The following KAZN variants were observed in gnomAD, a reference collection of about 807,000 sequenced individuals.
KAZN encodes kazrin.
In KAZN, 40 loss-of-function variants were observed where a neutral mutation model predicts 87.4. The ratio of observed to expected loss-of-function variants is 0.46; its 90% CI spans 0.36 to 0.60. KAZN has a LOEUF of 0.60. Among genes scored for constraint, KAZN ranks in the 20% least tolerant of loss-of-function variants. The pLI is 0.00. For synonymous variants in KAZN, 466 were observed against 458.3 expected (o/e 1.02, Z -0.22); for missense variants, 898 against 1,073.9 (o/e 0.84, Z 2.29).
At position 14,581,077 on chromosome 1, in the gene KAZN, G is replaced by A. The variant is rs1557814113; in HGVS notation, c.250-17906G>A. Among the ~76,000 whole-genome samples the A allele has an allele frequency of 2.0e-5, 3 of 152,020 alleles. No individual in the cohort carries two copies. In the East Asian group the frequency reaches 5.8e-4, roughly 29 times the overall value. Reference sequence around the variant, plus strand: ...GATTTCATCCACTCTTGGGCCTCTGGATAACATCTACATGCTGACACCTTC... The same window carrying A: ...GATTTCATCCACTCTTGGGCCTCTGAATAACATCTACATGCTGACACCTTC... On this transcript the variant is annotated intron_variant, in intron 2 of 16. Coordinates refer to the KAZN transcript ENST00000636203.
Position 14,045,415 on chromosome 1 carries a change from G to C in KAZN, c.92-135020G>C, listed in dbSNP as rs149492923. Among the ~76,000 whole-genome samples, 528 of 152,296 alleles carry C rather than the reference G, an allele frequency of 3.5e-3. 4 individuals carry two copies. Among genetic ancestry groups the C allele is most frequent in the African/African-American group, 0.012 (500 of 41,558 alleles). On this transcript the variant is annotated intron_variant, in intron 1 of 16. Coordinates refer to the KAZN transcript ENST00000636203. ...CTCAATTGACTTTGCTCAAATCCAA[G>C]CTCTGTCATTTGCTAATGGAGAAAG...
At chr1:14,513,701 T>C (rs747993710) in intron 2 of KAZN, among the ~76,000 whole-genome samples, 7 of 152,266 alleles carry the variant, frequency 4.6e-5, no homozygotes, top group African/African-American at 1.7e-4. Context: ...CATTTTAAAA[T>C]TGGGACCTTA....
chr1:14,718,111 C>A (rs994858263), intron 1 of KAZN, among the ~76,000 whole-genome samples: 3 of 152,178 alleles, frequency 2.0e-5, no homozygotes, highest in Non-Finnish European at 4.4e-5. Flanking sequence ...AAGCAAATTA[C>A]CCCCAGGGAG....
chr1:14,386,637 TG>T (rs1485366007), intron 2 of KAZN, among the ~76,000 whole-genome samples: 1 of 152,154 alleles, frequency 6.6e-6, no homozygotes, highest in Non-Finnish European at 1.5e-5. Flanking sequence ...TGTTGAATAT[TG>T]GCCCCCACTC....
intron 2 of KAZN, among the ~76,000 whole-genome samples, chr1:15,000,357 G>C (rs1029512273): frequency 6.6e-6 from 1 of 151,874 alleles, no homozygotes; most frequent in Admixed American, 6.5e-5. Flanking sequence ...TTGGACTTCT[G>C]ATCCTTAAAA....
chr1:14,507,463 G>T (rs1246464575), intron 2 of KAZN, among the ~76,000 whole-genome samples: 1 of 152,162 alleles, frequency 6.6e-6, no homozygotes, highest in Non-Finnish European at 1.5e-5. Flanking sequence ...AAGTTGCCAA[G>T]CGATGGCTAG....
At chr1:15,047,276 C>T (rs1010314240) in intron 4 of KAZN, among the ~76,000 whole-genome samples, 22 of 152,216 alleles carry the variant, frequency 1.4e-4, no homozygotes, top group Admixed American at 1.3e-3. Context: ...AAAGTTTCAC[C>T]GCCAGGCTGT....
chr1:14,783,158 TGA>T (rs1645407224), intron 1 of KAZN, among the ~76,000 whole-genome samples: 1 of 152,204 alleles, frequency 6.6e-6, no homozygotes, highest in Admixed American at 6.5e-5. Context: ...GTGATGAGGC[TGA>T]TATTTGGAGT....
chr1:14,923,881 G>A lies in KAZN; in HGVS notation c.227-36803G>A, dbSNP rs572451551. 6.6e-6 allele frequency among the ~76,000 whole-genome samples: 1 copy of A among 152,316 alleles called. No individual in the cohort carries two copies. The highest frequency in any genetic ancestry group is 2.4e-5 in the African/African-American group (1 of 41,582). ...GAGGCCAGGGGCTTTCAAAGACCGG[G>A]GCTCGAGTTCCGTCACAGCCACCCC... On this transcript the variant is annotated intron_variant, in intron 1 of 14. Coordinates refer to ENST00000376030, the MANE Select transcript of KAZN (RefSeq NM_201628.3). This position sits in a 1 kb window ranked among gnomAD's most constrained non-coding sequence, Gnocchi z 4.2.
intron 2 of KAZN, among the ~76,000 whole-genome samples, chr1:14,225,001 G>A (rs1467145329): frequency 6.6e-6 from 1 of 152,134 alleles, no homozygotes; most frequent in African/African-American, 2.4e-5. Flanking sequence ...AGACAAGGAT[G>A]CTCACTCTCA....
intron 2 of KAZN, among the ~76,000 whole-genome samples, chr1:14,464,030 G>C (rs1010386107): frequency 1.1e-4 from 17 of 152,196 alleles, no homozygotes; most frequent in Admixed American, 4.6e-4. Flanking sequence ...ATCTGTCTGG[G>C]AATTCTGTCT....
chr1:14,128,144 C>T (rs1258806716), intron 1 of KAZN, among the ~76,000 whole-genome samples: 2 of 152,144 alleles, frequency 1.3e-5, no homozygotes, highest in Non-Finnish European at 2.9e-5. Flanking sequence ...AATCAGGAGG[C>T]CAGGAGCTCC....
intron 2 of KAZN, among the ~76,000 whole-genome samples, chr1:14,393,866 A>G (rs992630644): frequency 1.4e-5 from 2 of 147,842 alleles, no homozygotes; most frequent in African/African-American, 4.9e-5. Flanking sequence ...AAAAAAAGTC[A>G]TGAAAACTTT....
At chr1:14,600,459 A>T (rs555762989) in intron 1 of KAZN, among the ~76,000 whole-genome samples, 5 of 152,226 alleles carry the variant, frequency 3.3e-5, no homozygotes, top group African/African-American at 1.2e-4. Context: ...TTTATGTCGA[A>T]TTCCAAGTCA....
intron 2 of KAZN, among the ~76,000 whole-genome samples, chr1:15,015,342 G>A (rs779788680): frequency 9.9e-5 from 15 of 152,016 alleles, no homozygotes; most frequent in Admixed American, 3.3e-4. Context: ...TAGTAGAGAC[G>A]GGATTTCGCC....
chr1:14,619,948 G>A (rs925783771), intron 1 of KAZN, among the ~76,000 whole-genome samples: 4 of 152,198 alleles, frequency 2.6e-5, no homozygotes, highest in Non-Finnish European at 5.9e-5. Flanking sequence ...ATGGGCACGT[G>A]AGTTGTTTCT....
intron 1 of KAZN, among the ~76,000 whole-genome samples, chr1:13,931,358 C>T (rs1221281672): frequency 6.6e-6 from 1 of 152,180 alleles, no homozygotes; most frequent in African/African-American, 2.4e-5. Context: ...ATGTTTTAAT[C>T]GCTGTGCTTT....
intron 1 of KAZN, among the ~76,000 whole-genome samples, chr1:14,826,087 G>A (rs908052352): frequency 1.3e-5 from 2 of 152,202 alleles, no homozygotes; most frequent in African/African-American, 4.8e-5. Flanking sequence ...AGAAAAGCAG[G>A]TCCATGCTGG....
intron 1 of KAZN, among the ~76,000 whole-genome samples, chr1:14,730,404 T>C (rs1239201854): frequency 6.6e-6 from 1 of 152,164 alleles, no homozygotes; most frequent in Non-Finnish European, 1.5e-5. Flanking sequence ...TTTATCATGA[T>C]AGTTCACGCT....
Sources: allele counts gnomAD v4.1 joint callset (sites outside exome capture counted in the v4.1 genomes callset), GRCh38; gene constraint gnomAD v4.1.1; non-coding constraint Gnocchi (gnomAD v3.1); transcripts MANE v1.5; gene names NCBI Gene and HGNC (gene_info 2026-07-23, HGNC 2026-07-21).